The following EPAS1 variants were observed in gnomAD, a reference collection of about 807,000 sequenced individuals.
EPAS1 encodes endothelial PAS domain protein 1.
Under a neutral mutation model 87.9 loss-of-function variants are expected in EPAS1, and 23 were observed. That is an observed-to-expected ratio of 0.26 (90% CI 0.19 to 0.37). The LOEUF is 0.37. Among genes scored for constraint, EPAS1 ranks in the 10% least tolerant of loss-of-function variants. The pLI, the probability that EPAS1 is intolerant of heterozygous loss-of-function variation, is 1.00. For missense variants in EPAS1, 1,138 were observed against 1,120.7 expected (o/e 1.02, Z -0.22); for synonymous variants, 508 against 444.3 (o/e 1.14, Z -1.80).
chr2:46,299,473 G>GAAAA (rs1682953258), intron 1 of EPAS1, among the ~76,000 whole-genome samples: 1 of 152,226 alleles, frequency 6.6e-6, no homozygotes, highest in Non-Finnish European at 1.5e-5. Context: ...GCAGAGCAAG[G>GAAAA]AAAAGACTCT....
chr2:46,315,965 A>T (rs1030264188), intron 1 of EPAS1, among the ~76,000 whole-genome samples: 8 of 152,262 alleles, frequency 5.3e-5, no homozygotes, highest in African/African-American at 1.9e-4. Flanking sequence ...TGTTCCCCAT[A>T]AAAAGTCATA....
intron 2 of EPAS1, among the ~76,000 whole-genome samples, chr2:46,350,989 A>G (rs989602370): frequency 2.6e-5 from 4 of 152,238 alleles, no homozygotes; most frequent in African/African-American, 7.2e-5. Context: ...CATGCAGGAA[A>G]AGTGGGACAA....
intron 2 of EPAS1, among the ~76,000 whole-genome samples, chr2:46,352,447 A>G (rs914443930): frequency 6.6e-6 from 1 of 152,224 alleles, no homozygotes; most frequent in Non-Finnish European, 1.5e-5. Context: ...AACACAGTAG[A>G]AACTTAATAA....
chr2:46,306,928 C>T (rs1683117444), intron 1 of EPAS1, among the ~76,000 whole-genome samples: 1 of 152,162 alleles, frequency 6.6e-6, no homozygotes, highest in Admixed American at 6.5e-5. Context: ...ATGAACATTA[C>T]CTCTGCAATA....
In EPAS1 at chr2:46,384,916, A is replaced by C. The variant is rs1684979511; in HGVS notation, c.*256A>C. 2 of 517,214 alleles carry C rather than the reference A, an allele frequency of 3.9e-6. No individual in the cohort carries two copies. The highest frequency in any genetic ancestry group is 4.2e-5 in the South Asian group (2 of 48,076). The allele number at this position is 517,214 out of a possible 1,614,324, so 32.0% of individuals were successfully genotyped here. Reference sequence around the variant, plus strand: ...ATTTTGTAGGATTTTTTTCCTCCCCACCTTCAATGACTTCTAATTTATATT... The same window carrying C: ...ATTTTGTAGGATTTTTTTCCTCCCCCCCTTCAATGACTTCTAATTTATATT... On this transcript the variant is annotated 3_prime_UTR_variant, in exon 16 of 16. Transcript: ENST00000263734.
intron 13 of EPAS1, 52 bp from the exon 14 acceptor site, chr2:46,381,923 G>A (rs2103676639): frequency 1.3e-6 from 2 of 1,530,044 alleles, no homozygotes; most frequent in Non-Finnish European, 1.8e-6. Flanking sequence ...CCCAGTCTGG[G>A]GACCTGGTTC....
At chr2:46,348,207 A>G (rs969305228) in intron 2 of EPAS1, among the ~76,000 whole-genome samples, 4 of 152,190 alleles carry the variant, frequency 2.6e-5, no homozygotes, top group Admixed American at 2.0e-4. Flanking sequence ...GCTAGGCCTA[A>G]AGAGGCGAAA....
At chr2:46,306,699 G>A (rs1415184101) in intron 1 of EPAS1, among the ~76,000 whole-genome samples, 1 of 152,122 alleles carries the variant, frequency 6.6e-6, no homozygotes, top group Non-Finnish European at 1.5e-5. Flanking sequence ...CTTTGTTTAT[G>A]AATTCCACAT....
At chr2:46,301,827 A>AG (rs1683006938) in intron 1 of EPAS1, among the ~76,000 whole-genome samples, 1 of 151,130 alleles carries the variant, frequency 6.6e-6, no homozygotes. Flanking sequence ...GCTTTTTGAA[A>AG]AAAAAAAAAA....
rs146332974 is a variant in EPAS1 at position 46,309,691 on chromosome 2, T to A, written c.26+11754T>A. On this transcript the variant is annotated intron_variant, in intron 1 of 15. Coordinates refer to ENST00000263734, the MANE Select transcript of EPAS1 (RefSeq NM_001430.5). Reference sequence around the variant, plus strand: ...AATGAGAAGGCAGCAATAAACAGAGTGTGCAGGCCAGGACTGGTGAGCCAG... The same window carrying A: ...AATGAGAAGGCAGCAATAAACAGAGAGTGCAGGCCAGGACTGGTGAGCCAG... Among the ~76,000 whole-genome samples, 44 of 152,174 alleles carry A rather than the reference T, an allele frequency of 2.9e-4. 1 individual carries two copies. Among genetic ancestry groups the A allele is most frequent in the African/African-American group, 1.1e-3 (44 of 41,522 alleles).
At chr2:46,299,277 G>C (rs1682947688) in intron 1 of EPAS1, among the ~76,000 whole-genome samples, 1 of 152,236 alleles carries the variant, frequency 6.6e-6, no homozygotes, top group Admixed American at 6.5e-5. Context: ...TCGGCGCCCG[G>C]GCCCTTCACT....
chr2:46,320,550 T>C (rs1354464613), intron 1 of EPAS1, among the ~76,000 whole-genome samples: 1 of 152,214 alleles, frequency 6.6e-6, no homozygotes, highest in East Asian at 1.9e-4. Flanking sequence ...CAAACCTTCA[T>C]TAACGGAAAG....
Position 46,371,484 on chromosome 2 carries a change from G to GAC in EPAS1, c.886+1563_886+1564dup, listed in dbSNP as rs149411179. On this transcript the variant is annotated intron_variant, in intron 7 of 15. Transcript: ENST00000263734. This position sits in a 1 kb window ranked among gnomAD's most constrained non-coding sequence, Gnocchi z 4.3. ...GGCAAAACACACACGCGCACACACA[G>GAC]ACACACACACACAAACAACCTAGAT... is the stretch of plus-strand genomic sequence containing the variant. Among the ~76,000 whole-genome samples the GAC allele has an allele frequency of 6.6e-6, 1 of 152,068 alleles. No individual in the cohort carries two copies. The highest frequency in any genetic ancestry group is 3.4e-3 in the Middle Eastern group (1 of 292).
At chr2:46,307,733 C>G (rs1389971471) in intron 1 of EPAS1, among the ~76,000 whole-genome samples, 2 of 152,188 alleles carry the variant, frequency 1.3e-5, no homozygotes. Context: ...TCCCTGCCGA[C>G]TGACTGGAAG....
intron 1 of EPAS1, among the ~76,000 whole-genome samples, chr2:46,327,699 C>T (rs1683591241): frequency 6.6e-6 from 1 of 152,166 alleles, no homozygotes; most frequent in African/African-American, 2.4e-5. Context: ...GATGACAATT[C>T]CATTAGAATA....
At chr2:46,348,297 G>A (rs1214515792) in intron 2 of EPAS1, among the ~76,000 whole-genome samples, 6 of 152,168 alleles carry the variant, frequency 3.9e-5, no homozygotes, top group Non-Finnish European at 8.8e-5. Flanking sequence ...GACAATGGCA[G>A]ATACATGATC....
Position 46,384,785 on chromosome 2 carries a change from C to A in EPAS1, c.*125C>A. ...CTATTTACAAGATGGACTTACCTGGCAGACTTGCCCAGGTCACCAAGCAGT... is the reference window on the plus strand; with the variant it reads ...CTATTTACAAGATGGACTTACCTGGAAGACTTGCCCAGGTCACCAAGCAGT... On this transcript the variant is annotated 3_prime_UTR_variant, in exon 16 of 16. Transcript: ENST00000263734. 1 of 1,277,542 alleles carries A rather than the reference C, an allele frequency of 7.8e-7. No homozygotes were observed. The highest frequency in any genetic ancestry group is 1.1e-6 in the Non-Finnish European group (1 of 916,478). 79.1% of individuals were successfully genotyped at this position (1,277,542 alleles called of 1,614,324 possible). A position where few individuals can be genotyped will look rare whatever the true frequency, so the allele number is the denominator to read the frequency against.
rs1310810532 is a variant in EPAS1 at position 46,375,552 on chromosome 2, C to T, written c.887-138C>T. On this transcript the variant is annotated intron_variant, in intron 7 of 15. Transcript: ENST00000263734. The surrounding 1 kb of genome is among the most constrained non-coding windows in gnomAD (Gnocchi z 4.1). ...CCTAAGCTCCCTCCCAGGTCACTCT[C>T]CCTGGTCCTCACTGTCGTGGCGCCC... 2.9e-6 allele frequency: 3 copies of T among 1,035,694 alleles called. No homozygotes were observed. The highest frequency in any genetic ancestry group is 4.4e-6 in the Non-Finnish European group (3 of 686,704). The allele number at this position is 1,035,694 out of a possible 1,614,324, so 64.2% of individuals were successfully genotyped here. A position where few individuals can be genotyped will look rare whatever the true frequency, so the allele number is the denominator to read the frequency against.
In EPAS1 at chr2:46,347,384, A is replaced by G. The variant is rs1294817448; in HGVS notation, c.217+321A>G. ...CTTCTCAATTTGTTGCCATCTGGCC[A>G]TAAGACCCATCCTCCACACTAGATT... On this transcript the variant is annotated intron_variant, in intron 2 of 15. Transcript: ENST00000263734. This position sits in a 1 kb window ranked among gnomAD's most constrained non-coding sequence, Gnocchi z 4.2. The G allele has an allele frequency of 1.2e-5, 5 of 433,014 alleles. No homozygotes were observed. Among genetic ancestry groups the G allele is most frequent in the South Asian group, 2.1e-5 (1 of 47,288 alleles). 26.8% of individuals were successfully genotyped at this position (433,014 alleles called of 1,614,324 possible).
Sources: allele counts gnomAD v4.1 joint callset (sites outside exome capture counted in the v4.1 genomes callset), GRCh38; gene constraint gnomAD v4.1.1; non-coding constraint Gnocchi (gnomAD v3.1); transcripts MANE v1.5; gene names NCBI Gene and HGNC (gene_info 2026-07-23, HGNC 2026-07-21).